CLEC2A: variants seen among roughly 807,000 people sequenced by gnomAD.
CLEC2A encodes the protein keratinocyte-associated C-type lectin.
CLEC2A carries 19 observed loss-of-function variants against 18.6 expected under a neutral mutation model. The ratio of observed to expected loss-of-function variants is 1.02; its 90% CI spans 0.71 to 1.50. CLEC2A has a LOEUF of 1.50. Among genes scored for constraint, CLEC2A ranks in the 40% most tolerant of loss-of-function variants. The pLI is 0.00. For synonymous variants in CLEC2A, 74 were observed against 64.0 expected (o/e 1.16, Z -0.75); for missense variants, 190 against 207.9 (o/e 0.91, Z 0.53).
downstream of CLEC2A, among the ~76,000 whole-genome samples, chr12:9,896,017 C>T (rs1214138753): frequency 6.6e-6 from 1 of 152,096 alleles, no homozygotes; most frequent in Non-Finnish European, 1.5e-5. Context: ...TTACTCTATA[C>T]TTGGATTTCT....
intron 3 of CLEC2A, among the ~76,000 whole-genome samples, chr12:9,919,311 T>C (rs895280301): frequency 6.6e-6 from 1 of 152,222 alleles, no homozygotes; most frequent in Non-Finnish European, 1.5e-5. Context: ...AAGTAAGCAA[T>C]CATTCAGTGC....
At chr12:9,897,603 A>G (rs957857926), downstream of CLEC2A, among the ~76,000 whole-genome samples, 1 of 150,300 alleles carries the variant, frequency 6.7e-6, no homozygotes, top group Non-Finnish European at 1.5e-5. Context: ...CAACAGTGCC[A>G]CCTCACAGAT....
the CLEC2A span, among the ~76,000 whole-genome samples, chr12:9,879,644 A>G: frequency 6.6e-6 from 1 of 152,212 alleles, no homozygotes; most frequent in South Asian, 2.1e-4. Context: ...CCAATATGTT[A>G]TACCTCAGAA....
intron 1 of CLEC2A, among the ~76,000 whole-genome samples, chr12:9,932,062 C>T (rs1292971129): frequency 6.6e-6 from 1 of 152,166 alleles, no homozygotes; most frequent in Non-Finnish European, 1.5e-5. Flanking sequence ...AATTCTGCCC[C>T]AAAACCTTCT....
At chr12:9,920,332 C>T (rs910018482) in intron 3 of CLEC2A, among the ~76,000 whole-genome samples, 3 of 152,192 alleles carry the variant, frequency 2.0e-5, no homozygotes, top group African/African-American at 7.2e-5. Context: ...CTGCACATGC[C>T]TGAGAGGCTG....
chr12:9,899,354 AGACACAATTACCT>A (rs1283685878), intron 4 of CLEC2A, among the ~76,000 whole-genome samples: 1 of 152,158 alleles, frequency 6.6e-6, no homozygotes, highest in African/African-American at 2.4e-5. Context: ...CGTAGTATGG[AGACACAATTACCT>A]GACTGTGAAG....
downstream of CLEC2A, among the ~76,000 whole-genome samples, chr12:9,894,003 T>C (rs1184539350): frequency 2.0e-5 from 3 of 152,138 alleles, no homozygotes; most frequent in Admixed American, 2.0e-4. Context: ...ACTAAACTTG[T>C]TGATATCCAT....
At chr12:9,881,615 A>G in the CLEC2A span, 5 of 1,535,078 alleles carry the variant, frequency 3.3e-6, no homozygotes, top group Non-Finnish European at 4.4e-6. Flanking sequence ...GAAGATGGGT[A>G]TATGACGCTG....
the CLEC2A span, chr12:9,888,782 T>A: frequency 6.7e-7 from 1 of 1,494,428 alleles, no homozygotes; most frequent in East Asian, 2.5e-5. Flanking sequence ...GTCTATCAGG[T>A]AATACTCTTT....
downstream of CLEC2A, among the ~76,000 whole-genome samples, chr12:9,908,808 C>A (rs368190707): frequency 2.6e-5 from 4 of 152,108 alleles, no homozygotes; most frequent in African/African-American, 9.7e-5. Context: ...AATGAGGTCC[C>A]GGATCCTTTA....
chr12:9,891,807 C>T, the CLEC2A span, among the ~76,000 whole-genome samples: 1 of 152,042 alleles, frequency 6.6e-6, no homozygotes, highest in African/African-American at 2.4e-5. Flanking sequence ...TATACTTGCT[C>T]AGGTTACTTT....
the CLEC2A span, chr12:9,881,767 A>G: frequency 1.8e-5 from 15 of 847,768 alleles, no homozygotes; most frequent in Non-Finnish European, 2.8e-5. Flanking sequence ...GATCATAATA[A>G]GGAATATAAA....
the CLEC2A span, among the ~76,000 whole-genome samples, chr12:9,880,120 C>G: frequency 6.6e-6 from 1 of 152,186 alleles, no homozygotes; most frequent in African/African-American, 2.4e-5. Context: ...CTGTGAAAGA[C>G]AGAAGTGAAG....
chr12:9,904,511 A>G (rs903407210), intron 4 of CLEC2A, among the ~76,000 whole-genome samples: 1 of 151,964 alleles, frequency 6.6e-6, no homozygotes, highest in African/African-American at 2.4e-5. Context: ...TACAACCATT[A>G]CCTTAGTTGG....
downstream of CLEC2A, among the ~76,000 whole-genome samples, chr12:9,912,419 A>G (rs7954172): frequency 1.5e-3 from 223 of 152,250 alleles, no homozygotes; most frequent in African/African-American, 5.2e-3. Context: ...TTAGAGTGAC[A>G]GGGTTTGGGG....
chr12:9,883,170 G>A, the CLEC2A span, among the ~76,000 whole-genome samples: 1 of 152,164 alleles, frequency 6.6e-6, no homozygotes, highest in Non-Finnish European at 1.5e-5. Context: ...CTTACCAGTT[G>A]TTCAGTTCAC....
intron 2 of CLEC2A, among the ~76,000 whole-genome samples, chr12:9,924,734 T>C (rs1240492048): frequency 6.6e-6 from 1 of 152,206 alleles, no homozygotes; most frequent in Non-Finnish European, 1.5e-5. Flanking sequence ...TTTTTTCATT[T>C]AACTTAATAT....
downstream of CLEC2A, among the ~76,000 whole-genome samples, chr12:9,895,300 A>T (rs1014619321): frequency 1.3e-5 from 2 of 152,246 alleles, no homozygotes; most frequent in Admixed American, 1.3e-4. Flanking sequence ...CAAAACTGAA[A>T]TTATGGAGGT....
At chr12:9,918,649 G>A (rs929094478) in intron 3 of CLEC2A, among the ~76,000 whole-genome samples, 1 of 152,140 alleles carries the variant, frequency 6.6e-6, no homozygotes, top group African/African-American at 2.4e-5. Context: ...GAATATCATT[G>A]GTAGTTTGAC....
Sources: allele counts gnomAD v4.1 joint callset (sites outside exome capture counted in the v4.1 genomes callset), GRCh38; gene constraint gnomAD v4.1.1; transcripts MANE v1.5; gene names NCBI Gene and HGNC (gene_info 2026-07-23, HGNC 2026-07-21).